Variants in EXOC5 observed in about 807,000 individuals in gnomAD.
EXOC5 encodes the protein exocyst complex component 5.
In EXOC5, 17 loss-of-function variants were observed where a neutral mutation model predicts 90.8. That is an observed-to-expected ratio of 0.19 (90% CI 0.13 to 0.28). EXOC5 has a LOEUF of 0.28. EXOC5 is among the 10% of genes least tolerant of loss of function. The probability of loss-of-function intolerance (pLI) is 1.00; values close to 1 mark genes in which losing one functional copy is unlikely to be tolerated. For synonymous variants in EXOC5, 260 were observed against 270.0 expected (o/e 0.96, Z 0.36); for missense variants, 569 against 830.6 (o/e 0.69, Z 3.87).
At position 57,207,573 on chromosome 14, in the gene EXOC5, G is replaced by C. The variant is rs879306630; in HGVS notation, c.*1036C>G. 3.3e-5 allele frequency: 5 copies of C among 152,018 alleles called. No homozygotes were observed. The highest frequency in any genetic ancestry group is 9.7e-5 in the African/African-American group (4 of 41,422). 9.4% of individuals were successfully genotyped at this position (152,018 alleles called of 1,614,324 possible). A position where few individuals can be genotyped will look rare whatever the true frequency, so the allele number is the denominator to read the frequency against. On this transcript the variant is annotated 3_prime_UTR_variant, in exon 18 of 18. Coordinates refer to ENST00000621441, the MANE Select transcript of EXOC5 (RefSeq NM_006544.4). ...GAAAAAGGACAATGACAGACCTATA[G>C]ACATGAAAAGCAAACAGCCTTTGCA...
At chr14:57,237,953 G>A (rs957738499) in intron 5 of EXOC5, among the ~76,000 whole-genome samples, 2 of 151,916 alleles carry the variant, frequency 1.3e-5, no homozygotes, top group Non-Finnish European at 2.9e-5. Flanking sequence ...AAAATACCAC[G>A]CAGTAGAATT....
Sources: gnomAD v4.1 joint callset for allele counts (sites outside exome capture counted in the v4.1 genomes callset) on GRCh38, gnomAD v4.1.1 for gene constraint, MANE v1.5 for transcripts, NCBI Gene and HGNC (gene_info 2026-07-23, HGNC 2026-07-21) for gene names.